ACACB: variants seen among roughly 807,000 people sequenced by gnomAD.
ACACB encodes acetyl-CoA carboxylase beta.
ACACB carries 209 observed loss-of-function variants against 278.8 expected under a neutral mutation model. The observed-to-expected ratio is 0.75, with a 90% CI of 0.67 to 0.84. The LOEUF is 0.84. Among genes scored for constraint, ACACB ranks in the 40% least tolerant of loss-of-function variants. ACACB has a pLI of 0.00. For synonymous variants in ACACB, 1,174 were observed against 1,285.6 expected, an observed-to-expected ratio of 0.91 and a Z score of 1.86; for missense variants, 2,850 against 3,269.0, an observed-to-expected ratio of 0.87 and a Z score of 3.13.
At position 109,209,212 on chromosome 12, in the gene ACACB, A is replaced by G. The variant is rs541137537; in HGVS notation, c.3108A>G (p.Ser1036=). The G allele has an allele frequency of 2.7e-4, 442 of 1,609,586 alleles. 3 individuals are homozygous for G. The South Asian group carries it at 3.9e-3, about 14-fold the overall frequency. Residue 1036 remains serine, a synonymous_variant, in exon 21 of 53, where the codon TCA becomes TCG. Transcript: ENST00000338432. ...TCATGATGACCCTCCGGCACCCGTCACTGCCGCTGCTGGAGCTGCAGGAGA... is the reference window on the plus strand; with the variant it reads ...TCATGATGACCCTCCGGCACCCGTCGCTGCCGCTGCTGGAGCTGCAGGAGA... ...QKLMMTLRHP[S]LPLLELQEIM...
At position 109,230,894 on chromosome 12, in the gene ACACB, G is replaced by A. The variant is rs567259585; in HGVS notation, c.4002-1775G>A. Among the ~76,000 whole-genome samples the A allele has an allele frequency of 8.1e-4, 123 of 152,288 alleles. 1 individual carries two copies. The highest frequency in any genetic ancestry group is 2.7e-3 in the Admixed American group (41 of 15,290). ...TCCTTTTTTGACCCAGAGAGACATT[G>A]AGGACCCTGGGGGATTCCTGGCCAT... On this transcript the variant is annotated intron_variant, in intron 28 of 52. Coordinates refer to ENST00000338432, the MANE Select transcript of ACACB (RefSeq NM_001093.4).
chr12:109,205,904 G>A (rs2045491635), intron 19 of ACACB, among the ~76,000 whole-genome samples: 2 of 152,280 alleles, frequency 1.3e-5, no homozygotes, highest in Non-Finnish European at 2.9e-5. Flanking sequence ...GGTATTTGTA[G>A]AATGAATGAG....
chr12:109,198,549 AGC>A (rs2045219643), intron 17 of ACACB, among the ~76,000 whole-genome samples: 1 of 152,170 alleles, frequency 6.6e-6, no homozygotes, highest in Non-Finnish European at 1.5e-5. Flanking sequence ...TACAATGATT[AGC>A]CAAGTGTGGT....
rs374116241 is a variant in ACACB at position 109,144,568 on chromosome 12, C to T, written c.653+4510C>T. On this transcript the variant is annotated intron_variant, in intron 2 of 52. Transcript: ENST00000338432. ...ATCACAGCAAATTTGATTTAAAACT[C>T]GAATTGGCTTTTATTTACAATTCTA... Among the ~76,000 whole-genome samples the T allele has an allele frequency of 2.8e-4, 42 of 152,042 alleles. No individual in the cohort carries two copies. The South Asian group carries it at 6.2e-3, about 23-fold the overall frequency.
Position 109,176,194 on chromosome 12 carries a change from T to C in ACACB, c.1368T>C (p.Ser456=), listed in dbSNP as rs1035332363. 9.3e-6 allele frequency: 15 copies of C among 1,614,084 alleles called. No individual in the cohort carries two copies. Among genetic ancestry groups the C allele is most frequent in the Non-Finnish European group, 1.2e-5 (14 of 1,180,044 alleles). The change falls in exon 9 of 53, where the codon TCT becomes TCC. Residue 456 remains serine, a synonymous_variant. Coordinates refer to ENST00000338432, the MANE Select transcript of ACACB (RefSeq NM_001093.4). ...GTTTTCCATTGATGATCAAAGCTTCTGAAGGTGGCGGAGGGAAGGGAATCC... is the reference window on the plus strand; with the variant it reads ...GTTTTCCATTGATGATCAAAGCTTCCGAAGGTGGCGGAGGGAAGGGAATCC... ...RIGFPLMIKA[S]EGGGGKGIRK...
chr12:109,172,100 A>AT (rs2044138278), intron 5 of ACACB, among the ~76,000 whole-genome samples, 175 bp from the exon 6 acceptor site: 2 of 152,078 alleles, frequency 1.3e-5, no homozygotes, highest in South Asian at 2.1e-4. Flanking sequence ...TTAAAAAAAA[A>AT]TTTTATAGAC....
At chr12:109,218,455 C>T (rs1330411735) in intron 24 of ACACB, among the ~76,000 whole-genome samples, 1 of 152,154 alleles carries the variant, frequency 6.6e-6, no homozygotes, top group African/African-American at 2.4e-5. Flanking sequence ...AACTCCCGCG[C>T]TCAAGCAATC....
chr12:109,199,568 G>A lies in ACACB; in HGVS notation c.2778+16G>A. 7.0e-7 allele frequency: 1 copy of A among 1,424,058 alleles called. No individual in the cohort carries two copies. Among genetic ancestry groups the A allele is most frequent in the Non-Finnish European group, 9.3e-7 (1 of 1,078,888 alleles). 88.2% of individuals were successfully genotyped at this position (1,424,058 alleles called of 1,614,324 possible). A position where few individuals can be genotyped will look rare whatever the true frequency, so the allele number is the denominator to read the frequency against. ...TGAGATGGAGGTGACTGCAGAGCCG[G>A]CCGTGGGGAATCCTGAACCCTCAAA... On this transcript the variant is annotated intron_variant, in intron 18 of 52. Transcript: ENST00000338432.
upstream of ACACB, among the ~76,000 whole-genome samples, chr12:109,115,808 C>T (rs557462616): frequency 2.6e-5 from 4 of 152,362 alleles, no homozygotes; most frequent in East Asian, 3.9e-4. Context: ...GCACAGATCC[C>T]GTGCTCAGCG....
At chr12:109,192,046 C>A in intron 15 of ACACB, 96 bp downstream of exon 15, 1 of 1,285,118 alleles carries the variant, frequency 7.8e-7, no homozygotes, top group Non-Finnish European at 1.1e-6. Flanking sequence ...CAGTTAGTCA[C>A]CAGGCAATTG....
intron 35 of ACACB, among the ~76,000 whole-genome samples, chr12:109,240,613 AT>A (rs2046769111): frequency 6.7e-6 from 1 of 148,332 alleles, no homozygotes; most frequent in Non-Finnish European, 1.5e-5. Context: ...TTAATAATAT[AT>A]ATTATTAAAA....
intron 2 of ACACB, among the ~76,000 whole-genome samples, chr12:109,153,274 C>A (rs2136087788): frequency 6.6e-6 from 1 of 152,282 alleles, no homozygotes; most frequent in East Asian, 1.9e-4. Flanking sequence ...CAGGCATGAG[C>A]CACCATGCCT....
chr12:109,163,702 C>T (rs967812809), intron 2 of ACACB, among the ~76,000 whole-genome samples: 17 of 151,774 alleles, frequency 1.1e-4, no homozygotes, highest in Non-Finnish European at 1.5e-4. Context: ...CAGGCTGGAG[C>T]GCAGTGGCAC....
At chr12:109,116,107 G>A (rs975462953), upstream of ACACB, among the ~76,000 whole-genome samples, 1 of 152,222 alleles carries the variant, frequency 6.6e-6, no homozygotes, top group East Asian at 1.9e-4. Flanking sequence ...TGGCAATGGA[G>A]CTGTTTTTTT....
At chr12:109,234,244 G>A (rs7963249) in intron 31 of ACACB, among the ~76,000 whole-genome samples, 199 bp downstream of exon 31, 30,857 of 152,066 alleles carry the variant, frequency 0.2, 3,314 homozygotes, top group Non-Finnish European at 0.22. Flanking sequence ...CATTTCTCTC[G>A]CTCACGGTGT....
chr12:109,202,257 T>C (rs1265533548), intron 19 of ACACB, among the ~76,000 whole-genome samples: 1 of 152,210 alleles, frequency 6.6e-6, no homozygotes, highest in Non-Finnish European at 1.5e-5. Context: ...ATATTCTCTG[T>C]GGCCAGTTTC....
At chr12:109,219,906 G>A (rs984707866) in intron 24 of ACACB, among the ~76,000 whole-genome samples, 1 of 152,184 alleles carries the variant, frequency 6.6e-6, no homozygotes, top group African/African-American at 2.4e-5. Flanking sequence ...TCTTTGGGGG[G>A]AGTTCTATTA....
At chr12:109,151,528 T>G (rs2043375604) in intron 2 of ACACB, among the ~76,000 whole-genome samples, 1 of 152,028 alleles carries the variant, frequency 6.6e-6, no homozygotes, top group Non-Finnish European at 1.5e-5. Context: ...GAAGGCAAAT[T>G]GTATGTGGAT....
chr12:109,154,168 G>C (rs1442420915), intron 2 of ACACB, among the ~76,000 whole-genome samples: 2 of 152,196 alleles, frequency 1.3e-5, no homozygotes, highest in Admixed American at 6.5e-5. Context: ...CGGATCACCG[G>C]GCTGCTGGGG....
Sources: allele counts gnomAD v4.1 joint callset (sites outside exome capture counted in the v4.1 genomes callset), GRCh38; gene constraint gnomAD v4.1.1; transcripts MANE v1.5; gene names NCBI Gene and HGNC (gene_info 2026-07-23, HGNC 2026-07-21).